Variants in ZNF467 observed in about 807,000 individuals in gnomAD.
ZNF467 encodes zinc finger protein EZI.
Under a neutral mutation model 47.8 loss-of-function variants are expected in ZNF467, and 51 were observed. The ratio of observed to expected loss-of-function variants is 1.07; its 90% CI spans 0.85 to 1.35. ZNF467 has a LOEUF of 1.35. ZNF467 is among the 40% of genes most tolerant of loss of function. The pLI is 0.00. For missense variants in ZNF467, 992 were observed against 858.1 expected, an observed-to-expected ratio of 1.16 and a Z score of -1.95; for synonymous variants, 416 against 372.9, an observed-to-expected ratio of 1.12 and a Z score of -1.33.
chr7:149,776,026 T>TG (rs1799567241), upstream of ZNF467: 1 of 1,364,482 alleles, frequency 7.3e-7, no homozygotes, highest in Non-Finnish European at 9.8e-7. Context: ...AAAGGTGCCC[T>TG]GGGGGTGAGG....
chr7:149,774,737 C>G (rs1799528993), upstream of ZNF467, among the ~76,000 whole-genome samples: 1 of 152,104 alleles, frequency 6.6e-6, no homozygotes, highest in African/African-American at 2.4e-5. This position sits in a 1 kb window ranked among gnomAD's most constrained non-coding sequence, Gnocchi z 5.7. Flanking sequence ...AGGGGGGTGT[C>G]TGGGTGTGCG....
At chr7:149,776,233 T>C (rs1799576110), upstream of ZNF467, 5 of 959,374 alleles carry the variant, frequency 5.2e-6, no homozygotes, top group South Asian at 7.7e-5. Context: ...TGTCTCTCCC[T>C]ACCTTAGCAT....
chr7:149,776,374 C>T (rs189087207), upstream of ZNF467: 31 of 1,363,696 alleles, frequency 2.3e-5, no homozygotes, highest in East Asian at 8.7e-4. Context: ...AGAGACCATC[C>T]GTGTGGAGGA....
chr7:149,771,934 C>T (rs1407364919), intron 1 of ZNF467, among the ~76,000 whole-genome samples: 1 of 150,290 alleles, frequency 6.7e-6, no homozygotes, highest in African/African-American at 2.5e-5. Context: ...CCTCCCCTGA[C>T]CCTACGCTCC....
upstream of ZNF467, chr7:149,776,529 G>A (rs1328788073): frequency 7.7e-7 from 1 of 1,298,914 alleles, no homozygotes; most frequent in East Asian, 5.5e-5. Context: ...CTATCTACAA[G>A]TGAGTAAGGG....
At chr7:149,770,970 C>T in intron 2 of ZNF467, 29 bp downstream of exon 2, 1 of 1,613,998 alleles carries the variant, frequency 6.2e-7, no homozygotes, top group Non-Finnish European at 8.5e-7. Flanking sequence ...TAAGCTTTTC[C>T]CCAAGTCCCT....
rs1366954948 is a variant in ZNF467, at chr7:149,770,371, GAGGT to G, written c.151+65_151+68del. 2.4e-5 allele frequency: 24 copies of G among 1,018,374 alleles called. No individual in the cohort carries two copies. In the African/African-American group the frequency reaches 3.6e-4, roughly 15 times the overall value. 63.1% of individuals were successfully genotyped at this position (1,018,374 alleles called of 1,614,324 possible). ...GGGAGGGGGGAGGGAAGAAGGGAGA[GAGGT>G]AGGGAGGGCAGGAGGAAAGCAGGGG... is the stretch of plus-strand genomic sequence containing the variant. On this transcript the variant is annotated intron_variant, in intron 3 of 4. Coordinates refer to ENST00000302017, the MANE Select transcript of ZNF467 (RefSeq NM_207336.3).
chr7:149,766,040 C>T lies in ZNF467; in HGVS notation c.462G>A (p.Pro154=), dbSNP rs142873108. The part of the protein sequence containing the change: ...LSGLALSGWG[P]MPEKPYGCGE... Reference sequence around the variant, plus strand: ...CGCAGCCGTAGGGCTTCTCCGGCATCGGACCCCACCCAGACAGCGCGAGCC... The same window carrying T: ...CGCAGCCGTAGGGCTTCTCCGGCATTGGACCCCACCCAGACAGCGCGAGCC... The change falls in exon 5 of 5, where the codon CCG becomes CCA. Residue 154 remains proline (P), a synonymous_variant. Coordinates refer to ENST00000302017, the MANE Select transcript of ZNF467 (RefSeq NM_207336.3). The T allele has an allele frequency of 1.6e-3, 2,483 of 1,597,052 alleles. 18 individuals are homozygous for T. The highest frequency in any genetic ancestry group is 0.01 in the Middle Eastern group (61 of 6,038).
At chr7:149,770,387 G>T in intron 3 of ZNF467, 53 bp downstream of exon 3, 2 of 1,324,274 alleles carry the variant, frequency 1.5e-6, no homozygotes, top group Non-Finnish European at 1.1e-6. Flanking sequence ...GGGAGGGCAG[G>T]AGGAAAGCAG....
intron 2 of ZNF467, 43 bp downstream of exon 2, chr7:149,770,956 C>T: frequency 6.2e-7 from 1 of 1,613,896 alleles, no homozygotes; most frequent in Non-Finnish European, 8.5e-7. Context: ...CCCCTGAATC[C>T]TCCTAAGCTT....
chr7:149,764,712 G>A lies in ZNF467; in HGVS notation c.*2C>T, dbSNP rs778080256. ...AAGAAAGGGTCCTCGTGAGAACTAG[G>A]CTCAGAAGAAGAGCGGGGGCGGCGC... is the stretch of plus-strand genomic sequence containing the variant. On this transcript the variant is annotated 3_prime_UTR_variant, in exon 5 of 5. Coordinates refer to ENST00000302017, the MANE Select transcript of ZNF467 (RefSeq NM_207336.3). The A allele has an allele frequency of 3.8e-6, 6 of 1,575,770 alleles. No homozygotes were observed. The East Asian group carries it at 6.8e-5, about 18-fold the overall frequency.
chr7:149,771,172 C>T lies in ZNF467; in HGVS notation c.-42-98G>A, dbSNP rs1191509715. On this transcript the variant is annotated intron_variant, in intron 1 of 4. Coordinates refer to ENST00000302017, the MANE Select transcript of ZNF467 (RefSeq NM_207336.3). ...CTCTCCCTATGGGCTCTTCCAGGAG[C>T]TCCAAAGGTGACATCCCCAGGTACA... 3.1e-6 allele frequency: 3 copies of T among 971,522 alleles called. No individual in the cohort carries two copies. In the East Asian group the frequency reaches 7.6e-5, roughly 25 times the overall value. The allele number at this position is 971,522 out of a possible 1,614,324, so 60.2% of individuals were successfully genotyped here.
intron 1 of ZNF467, among the ~76,000 whole-genome samples, chr7:149,772,482 T>G (rs1585961100): frequency 9.7e-6 from 1 of 103,172 alleles, no homozygotes; most frequent in South Asian, 3.6e-4. Flanking sequence ...CCGCGGGCCC[T>G]GCCCTCCCCA....
chr7:149,768,995 G>C (rs2117437057), intron 4 of ZNF467, 95 bp downstream of exon 4: 1 of 1,118,608 alleles, frequency 8.9e-7, no homozygotes, highest in South Asian at 1.6e-5. Context: ...TGTCTTGGGG[G>C]ATTACCTGCC....
At chr7:149,774,085 G>A (rs1799510870), upstream of ZNF467, among the ~76,000 whole-genome samples, 2 of 151,994 alleles carry the variant, frequency 1.3e-5, no homozygotes, top group South Asian at 4.2e-4. The surrounding 1 kb of genome is among the most constrained non-coding windows in gnomAD (Gnocchi z 5.7). Context: ...GGCGGGGTCC[G>A]GGGGAGGGTC....
upstream of ZNF467, among the ~76,000 whole-genome samples, chr7:149,774,206 T>TCAGCCCTCAGCCCC (rs1799514887): frequency 1.3e-5 from 2 of 152,028 alleles, no homozygotes; most frequent in Admixed American, 6.5e-5. This position sits in a 1 kb window ranked among gnomAD's most constrained non-coding sequence, Gnocchi z 5.7. Context: ...CCCTCAGCCC[T>TCAGCCCTCAGCCCC]CAGCCCTCAG....
Position 149,765,338 on chromosome 7 carries a change from C to A in ZNF467, c.1164G>T (p.Glu388Asp). 6.6e-7 allele frequency: 1 copy of A among 1,519,008 alleles called. No individual in the cohort carries two copies. Among genetic ancestry groups the A allele is most frequent in the Non-Finnish European group, 8.8e-7 (1 of 1,131,470 alleles). The allele number at this position is 1,519,008 out of a possible 1,614,324, so 94.1% of individuals were successfully genotyped here. A position where few individuals can be genotyped will look rare whatever the true frequency, so the allele number is the denominator to read the frequency against. Residue 388 changes from glutamate (E) to aspartate (D), a missense_variant, in exon 5 of 5, where the codon GAG becomes GAT. Coordinates refer to ENST00000302017, the MANE Select transcript of ZNF467 (RefSeq NM_207336.3). Reference protein sequence around the residue: ...RSEGRPFGCDECALGATVDAP... With the variant: ...RSEGRPFGCDDCALGATVDAP... ...CATCCACGGTGGCGCCCAGTGCGCA[C>A]TCATCGCACCCAAAGGGGCGACCCT... is the stretch of plus-strand genomic sequence containing the variant.
upstream of ZNF467, among the ~76,000 whole-genome samples, chr7:149,775,435 T>G (rs1357013960): frequency 6.6e-6 from 1 of 152,128 alleles, no homozygotes; most frequent in Non-Finnish European, 1.5e-5. Context: ...AGGCAGAAGT[T>G]CAAGGCTGGA....
upstream of ZNF467, among the ~76,000 whole-genome samples, chr7:149,775,697 G>A (rs918411797): frequency 6.7e-6 from 1 of 148,292 alleles, no homozygotes; most frequent in Non-Finnish European, 1.5e-5. Flanking sequence ...TAGTGCCTGA[G>A]AGTGTGAAAA....
Sources: gnomAD v4.1 joint callset for allele counts (sites outside exome capture counted in the v4.1 genomes callset) on GRCh38, gnomAD v4.1.1 for gene constraint, Gnocchi (gnomAD v3.1) non-coding constraint, MANE v1.5 for transcripts, NCBI Gene and HGNC (gene_info 2026-07-23, HGNC 2026-07-21) for gene names.